The following ENOX1 variants were observed in gnomAD, a reference collection of about 807,000 sequenced individuals.
The protein encoded by ENOX1 is candidate growth-related and time keeping constitutive hydroquinone (NADH) oxidase.
In ENOX1, 42 loss-of-function variants were observed where a neutral mutation model predicts 82.5. The ratio of observed to expected loss-of-function variants is 0.51; its 90% CI spans 0.40 to 0.66. The LOEUF (loss-of-function observed/expected upper bound fraction) is 0.66. Ranked by LOEUF, ENOX1 falls within the 30% of genes least tolerant of loss-of-function variation. The probability of loss-of-function intolerance (pLI) is 0.00; values close to 1 mark genes in which losing one functional copy is unlikely to be tolerated. For missense variants in ENOX1, 608 were observed against 811.6 expected (o/e 0.75, Z 3.05); for synonymous variants, 271 against 282.2 (o/e 0.96, Z 0.40).
At chr13:43,243,018 C>T (rs1054690762) in intron 14 of ENOX1, among the ~76,000 whole-genome samples, 1 of 151,938 alleles carries the variant, frequency 6.6e-6, no homozygotes, top group Non-Finnish European at 1.5e-5. Flanking sequence ...TGTCTGTAGT[C>T]CCAGCTACTT....
At chr13:43,238,883 T>C (rs1481458289) in intron 14 of ENOX1, among the ~76,000 whole-genome samples, 2 of 151,840 alleles carry the variant, frequency 1.3e-5, no homozygotes, top group Non-Finnish European at 2.9e-5. Context: ...TCCAGGTTCA[T>C]TGAGGGAAAT....
At chr13:43,588,784 C>T (rs372081712) in intron 2 of ENOX1, among the ~76,000 whole-genome samples, 9 of 152,264 alleles carry the variant, frequency 5.9e-5, no homozygotes, top group African/African-American at 2.2e-4. Flanking sequence ...TGGGGCACTT[C>T]GCATCCTAAC....
chr13:43,706,555 A>G (rs994554237), intron 1 of ENOX1, among the ~76,000 whole-genome samples: 1 of 151,990 alleles, frequency 6.6e-6, no homozygotes, highest in Admixed American at 6.5e-5. Context: ...CAGCTTGACC[A>G]TATGGTATTT....
intron 1 of ENOX1, among the ~76,000 whole-genome samples, chr13:43,700,324 G>A (rs73482012): frequency 0.021 from 3,192 of 152,082 alleles, 124 homozygotes; most frequent in African/African-American, 0.074. Flanking sequence ...TTGGGTTTTC[G>A]AGATTGTTTA....
chr13:43,624,995 C>A (rs2082902915), intron 2 of ENOX1, among the ~76,000 whole-genome samples: 1 of 152,064 alleles, frequency 6.6e-6, no homozygotes, highest in Non-Finnish European at 1.5e-5. Flanking sequence ...ACATCTTCCA[C>A]TCCATAAACA....
chr13:43,251,870 C>A (rs1313001416), intron 14 of ENOX1, among the ~76,000 whole-genome samples: 2 of 152,100 alleles, frequency 1.3e-5, no homozygotes, highest in African/African-American at 2.4e-5. Flanking sequence ...AGTTTGAATA[C>A]TGTCATATAA....
At chr13:43,351,412 T>TTTATTTTA (rs1374035036) in intron 8 of ENOX1, among the ~76,000 whole-genome samples, 3 of 149,358 alleles carry the variant, frequency 2.0e-5, no homozygotes, top group South Asian at 2.1e-4. Flanking sequence ...TATTTATTTA[T>TTTATTTTA]TTTATTTATT....
At chr13:43,384,930 C>T (rs1390609546) in intron 5 of ENOX1, among the ~76,000 whole-genome samples, 1 of 152,014 alleles carries the variant, frequency 6.6e-6, no homozygotes, top group Non-Finnish European at 1.5e-5. Context: ...CTACTAGGTA[C>T]CCTGATTCAA....
chr13:43,403,091 T>C (rs2053588013), intron 5 of ENOX1, among the ~76,000 whole-genome samples: 1 of 152,100 alleles, frequency 6.6e-6, no homozygotes, highest in Non-Finnish European at 1.5e-5. Context: ...TGCAATTATT[T>C]AAAAATATTT....
At chr13:43,452,052 CA>C (rs2153631342) in intron 3 of ENOX1, among the ~76,000 whole-genome samples, 1 of 152,336 alleles carries the variant, frequency 6.6e-6, no homozygotes, top group African/African-American at 2.4e-5. Flanking sequence ...TCTTATTCCA[CA>C]CTTACTTTTT....
At chr13:43,237,822 C>CTGCTG (rs1280230338) in intron 14 of ENOX1, among the ~76,000 whole-genome samples, 1 of 152,154 alleles carries the variant, frequency 6.6e-6, no homozygotes. Flanking sequence ...AAAATAAACC[C>CTGCTG]AGCACATGCC....
rs750696681 is a variant in ENOX1, at chr13:43,681,927, A to G, written c.-284-14383T>C. Among the ~76,000 whole-genome samples, 7 of 152,180 alleles carry G rather than the reference A, an allele frequency of 4.6e-5. No individual in the cohort carries two copies. The East Asian group carries it at 7.7e-4, about 17-fold the overall frequency. On this transcript the variant is annotated intron_variant, in intron 1 of 16. Coordinates refer to ENST00000690772, the MANE Select transcript of ENOX1 (RefSeq NM_001347969.2). Reference sequence around the variant, plus strand: ...CCCCACTGCCTGCCCATTGTACTCCATAAGTTTTCATATCTGTGCTCAGAA... The same window carrying G: ...CCCCACTGCCTGCCCATTGTACTCCGTAAGTTTTCATATCTGTGCTCAGAA...
intron 1 of ENOX1, among the ~76,000 whole-genome samples, chr13:43,779,129 C>T (rs1385355610): frequency 1.3e-5 from 2 of 149,540 alleles, no homozygotes; most frequent in Non-Finnish European, 3.0e-5. Context: ...GCAATGCCCT[C>T]ATCAGTAGGT....
intron 2 of ENOX1, among the ~76,000 whole-genome samples, chr13:43,626,024 T>C (rs962799153): frequency 2.0e-5 from 3 of 151,866 alleles, no homozygotes; most frequent in Admixed American, 6.6e-5. Flanking sequence ...CCTTAGTAAT[T>C]ACAGTACTAT....
chr13:43,596,434 G>A (rs1418527256), intron 2 of ENOX1, among the ~76,000 whole-genome samples: 1 of 152,186 alleles, frequency 6.6e-6, no homozygotes, highest in Non-Finnish European at 1.5e-5. Flanking sequence ...TAATCCTGTG[G>A]GTAGGACAGA....
intron 2 of ENOX1, among the ~76,000 whole-genome samples, chr13:43,543,343 A>T (rs550861384): frequency 2.0e-5 from 3 of 152,194 alleles, no homozygotes; most frequent in African/African-American, 7.2e-5. Flanking sequence ...TTGTTTTGGT[A>T]AGCTAGAACA....
At chr13:43,503,024 G>A (rs1029021032) in intron 2 of ENOX1, among the ~76,000 whole-genome samples, 12 of 151,486 alleles carry the variant, frequency 7.9e-5, no homozygotes, top group African/African-American at 2.9e-4. Context: ...TAAAGTTACA[G>A]GTTGTAAAAA....
intron 2 of ENOX1, among the ~76,000 whole-genome samples, chr13:43,586,989 A>C (rs1446296340): frequency 6.6e-6 from 1 of 151,710 alleles, no homozygotes; most frequent in Non-Finnish European, 1.5e-5. Flanking sequence ...CAGGAGAATC[A>C]CTTGAACCAG....
At chr13:43,492,826 C>T (rs539279712) in intron 2 of ENOX1, among the ~76,000 whole-genome samples, 3 of 152,200 alleles carry the variant, frequency 2.0e-5, no homozygotes, top group Admixed American at 2.0e-4. Flanking sequence ...TTGGCTAGGC[C>T]ATGGTACCTA....
Sources: allele counts gnomAD v4.1 joint callset (sites outside exome capture counted in the v4.1 genomes callset), GRCh38; gene constraint gnomAD v4.1.1; transcripts MANE v1.5; gene names NCBI Gene and HGNC (gene_info 2026-07-23, HGNC 2026-07-21).